The following SCN10A variants were observed in gnomAD, a reference collection of about 807,000 sequenced individuals.
SCN10A encodes the protein sodium channel protein type 10 subunit alpha.
A neutral mutation model predicts 170.7 loss-of-function variants in SCN10A; 162 were observed. That is an observed-to-expected ratio of 0.95 (90% CI 0.84 to 1.08). The LOEUF is 1.08. SCN10A is among the 50% of genes least tolerant of loss of function. The pLI, the probability that SCN10A is intolerant of heterozygous loss-of-function variation, is 0.00. For missense variants in SCN10A, 2,527 were observed against 2,436.9 expected, an observed-to-expected ratio of 1.04 and a Z score of -0.78; for synonymous variants, 985 against 904.6, an observed-to-expected ratio of 1.09 and a Z score of -1.59.
chr3:38,745,386 G>C (rs1184390834), intron 13 of SCN10A, among the ~76,000 whole-genome samples: 1 of 152,058 alleles, frequency 6.6e-6, no homozygotes, highest in Non-Finnish European at 1.5e-5. Context: ...GGAGTCTGTT[G>C]AATATACCCT....
chr3:38,790,150 A>T (rs2064262531), intron 3 of SCN10A, among the ~76,000 whole-genome samples: 1 of 152,170 alleles, frequency 6.6e-6, no homozygotes, highest in African/African-American at 2.4e-5. Flanking sequence ...TGTTAATCCA[A>T]GGATTAAACT....
chr3:38,702,130 G>T, intron 26 of SCN10A, 21 bp from the exon 27 acceptor site: 1 of 1,527,042 alleles, frequency 6.5e-7, no homozygotes, highest in South Asian at 1.3e-5. Flanking sequence ...AAGAGATAGT[G>T]GCATCAGGGC....
intron 17 of SCN10A, 102 bp downstream of exon 17, chr3:38,726,504 T>C: frequency 1.0e-6 from 1 of 954,054 alleles, no homozygotes; most frequent in Non-Finnish European, 1.5e-6. Context: ...TTTAAACTTC[T>C]TTATGTCAAG....
chr3:38,755,744 T>A, intron 11 of SCN10A, 44 bp downstream of exon 11: 1 of 1,605,948 alleles, frequency 6.2e-7, no homozygotes, highest in Non-Finnish European at 8.5e-7. Context: ...CTACGGCAGC[T>A]GCAATGGTGG....
At chr3:38,795,500 C>T (rs745542495) in intron 1 of SCN10A, among the ~76,000 whole-genome samples, 2 of 151,784 alleles carry the variant, frequency 1.3e-5, no homozygotes, top group Non-Finnish European at 1.5e-5. Flanking sequence ...TCACCACACT[C>T]GGCTAGTTTT....
chr3:38,767,587 CTG>C (rs2063947183), intron 5 of SCN10A, among the ~76,000 whole-genome samples: 1 of 152,012 alleles, frequency 6.6e-6, no homozygotes, highest in African/African-American at 2.4e-5. Context: ...GTTTATTCGA[CTG>C]TGCTCTGAGA....
chr3:38,795,977 T>C (rs959745734), intron 1 of SCN10A, among the ~76,000 whole-genome samples: 1 of 152,148 alleles, frequency 6.6e-6, no homozygotes, highest in Non-Finnish European at 1.5e-5. Flanking sequence ...TTTGCCACAA[T>C]CTCTTGGAAA....
At chr3:38,782,310 C>T (rs962720442) in intron 4 of SCN10A, among the ~76,000 whole-genome samples, 9 of 151,980 alleles carry the variant, frequency 5.9e-5, no homozygotes, top group South Asian at 2.1e-4. Flanking sequence ...TGTTGGGCAG[C>T]GGGGGCGGTA....
chr3:38,807,822 A>G (rs1362825226), intron 1 of SCN10A, among the ~76,000 whole-genome samples: 1 of 152,012 alleles, frequency 6.6e-6, no homozygotes, highest in African/African-American at 2.4e-5. Flanking sequence ...CTCACATCAT[A>G]AACATGTAGA....
chr3:38,793,390 C>G (rs556603094), intron 2 of SCN10A, among the ~76,000 whole-genome samples: 1 of 152,210 alleles, frequency 6.6e-6, no homozygotes, highest in East Asian at 1.9e-4. Flanking sequence ...CACCGCCATG[C>G]TCCTCCCCCA....
Position 38,768,283 on chromosome 3 carries a change from G to T in SCN10A, c.599+2996C>A, listed in dbSNP as rs931558854. 5.3e-4 allele frequency among the ~76,000 whole-genome samples: 81 copies of T among 151,844 alleles called. 2 individuals are homozygous for T. Among genetic ancestry groups the T allele is most frequent in the Non-Finnish European group, 1.6e-4 (11 of 67,930 alleles). ...TGTGAGGTACTCTTCTATTCATTAT[G>T]CTAGTTATTGCCTTAATTCCTTTTT... is the stretch of plus-strand genomic sequence containing the variant. On this transcript the variant is annotated intron_variant, in intron 5 of 27. Transcript: ENST00000449082.
chr3:38,811,782 C>T (rs2064442984), intron 1 of SCN10A, among the ~76,000 whole-genome samples: 1 of 152,198 alleles, frequency 6.6e-6, no homozygotes, highest in African/African-American at 2.4e-5. Context: ...TTTCTACTGT[C>T]CAGGGCCAAG....
chr3:38,770,146 T>A (rs763969514), intron 5 of SCN10A, among the ~76,000 whole-genome samples: 1 of 152,188 alleles, frequency 6.6e-6, no homozygotes, highest in Non-Finnish European at 1.5e-5. Context: ...GGATCAAAGT[T>A]ATTCTGTCAT....
intron 26 of SCN10A, among the ~76,000 whole-genome samples, chr3:38,702,950 C>A (rs926679237): frequency 3.3e-5 from 5 of 152,230 alleles, no homozygotes; most frequent in Non-Finnish European, 5.9e-5. Flanking sequence ...AACCCCATTC[C>A]CCACGCTTTG....
chr3:38,761,131 T>C, intron 7 of SCN10A, 61 bp downstream of exon 7: 1 of 1,295,662 alleles, frequency 7.7e-7, no homozygotes, highest in Non-Finnish European at 1.1e-6. Flanking sequence ...ATATCCCCTG[T>C]CCCTATATGA....
chr3:38,727,980 T>C (rs1349335304), intron 16 of SCN10A, among the ~76,000 whole-genome samples: 2 of 152,160 alleles, frequency 1.3e-5, no homozygotes, highest in African/African-American at 4.8e-5. Flanking sequence ...TTGTGCCCCC[T>C]CCCTGCAGCC....
At position 38,698,340 on chromosome 3, in the gene SCN10A, G is replaced by GATGGAGT. The variant is rs759319080; in HGVS notation, c.4879_4880insACTCCAT (p.Ser1627TyrfsTer55). The GATGGAGT allele has an allele frequency of 8.7e-6, 14 of 1,613,880 alleles. No homozygotes were observed. Among genetic ancestry groups the GATGGAGT allele is most frequent in the Non-Finnish European group, 1.1e-5 (13 of 1,179,908 alleles). ...CTCCCACCTCACATGGGGAAAGCTGGACATACCGAAGATAGAGTAGATGAA... is the reference window on the plus strand; with the variant it reads ...CTCCCACCTCACATGGGGAAAGCTGGATGGAGTACATACCGAAGATAGAGTAGATGAA... On this transcript the variant is annotated frameshift_variant, in exon 28 of 28. Coordinates refer to ENST00000449082, the MANE Select transcript of SCN10A (RefSeq NM_006514.4). LOFTEE classifies it high-confidence loss of function.
intron 21 of SCN10A, among the ~76,000 whole-genome samples, chr3:38,718,231 G>A (rs1448387777): frequency 6.6e-6 from 1 of 152,220 alleles, no homozygotes; most frequent in Non-Finnish European, 1.5e-5. Context: ...AGCTCCCCAG[G>A]TGATTCTCAA....
chr3:38,747,619 C>T (rs2063705161), intron 13 of SCN10A, among the ~76,000 whole-genome samples: 2 of 152,120 alleles, frequency 1.3e-5, no homozygotes, highest in Admixed American at 1.3e-4. Flanking sequence ...AGGATGCAAA[C>T]CCAGGCAGCC....
Sources: allele counts gnomAD v4.1 joint callset (sites outside exome capture counted in the v4.1 genomes callset), GRCh38; gene constraint gnomAD v4.1.1; transcripts MANE v1.5; gene names NCBI Gene and HGNC (gene_info 2026-07-23, HGNC 2026-07-21).